The following CLEC3A variants were observed in gnomAD, a reference collection of about 807,000 sequenced individuals.
The protein encoded by CLEC3A is C-type (calcium dependent, carbohydrate-recognition domain) lectin, superfamily member 1 (cartilage-derived).
CLEC3A carries 28 observed loss-of-function variants against 20.4 expected under a neutral mutation model. The ratio of observed to expected loss-of-function variants is 1.37; its 90% confidence interval spans 1.02 to 1.88. CLEC3A has a LOEUF of 1.88. Ranked by LOEUF, CLEC3A falls within the 40% of genes most tolerant of loss-of-function variation. CLEC3A has a pLI of 0.00. For missense variants in CLEC3A, 357 were observed against 240.4 expected, an observed-to-expected ratio of 1.48 and a Z score of -3.21; for synonymous variants, 110 against 88.1, an observed-to-expected ratio of 1.25 and a Z score of -1.39.
Position 78,028,095 on chromosome 16 carries a change from A to C in CLEC3A, c.116-12A>C. On this transcript the variant is annotated splice_polypyrimidine_tract_variant and intron_variant, in intron 1 of 2. Transcript: ENST00000299642. ...ATCCACCTACCCCATCCCACCCTAAAATTTTCCCCAGACAAGGATGGAGAT... is the reference window on the plus strand; with the variant it reads ...ATCCACCTACCCCATCCCACCCTAACATTTTCCCCAGACAAGGATGGAGAT... 6.2e-7 allele frequency: 1 copy of C among 1,602,240 alleles called. No individual in the cohort carries two copies. Among genetic ancestry groups the C allele is most frequent in the South Asian group, 1.1e-5 (1 of 89,246 alleles).
chr16:78,024,388 C>G (rs560669298), intron 1 of CLEC3A, among the ~76,000 whole-genome samples: 40 of 152,040 alleles, frequency 2.6e-4, no homozygotes, highest in Admixed American at 1.8e-3. Flanking sequence ...TTCCAGGGGC[C>G]TCCCTCCCCT....
At chr16:78,025,628 G>C (rs2029892652) in intron 1 of CLEC3A, among the ~76,000 whole-genome samples, 2 of 152,154 alleles carry the variant, frequency 1.3e-5, no homozygotes, top group South Asian at 4.1e-4. Context: ...CCTTCTGGGG[G>C]ACTCAAAATA....
chr16:78,029,669 T>C (rs1371985359), intron 2 of CLEC3A, among the ~76,000 whole-genome samples: 1 of 150,798 alleles, frequency 6.6e-6, no homozygotes, highest in Admixed American at 6.6e-5. Flanking sequence ...CGCCAAGCAT[T>C]TTTTTTTTAA....
In CLEC3A at chr16:78,031,807, T is replaced by C. The variant is rs906194396; in HGVS notation, c.*966T>C. The C allele has an allele frequency of 3.3e-5, 5 of 152,146 alleles. No individual in the cohort carries two copies. Among genetic ancestry groups the C allele is most frequent in the South Asian group, 2.1e-4 (1 of 4,830 alleles). The allele number at this position is 152,146 out of a possible 1,614,324, so 9.4% of individuals were successfully genotyped here. Reference sequence around the variant, plus strand: ...ATTTAAAGAATGCTATCTTGGAAAATTGCATACGTCTGTGCAATTTTTTAT... The same window carrying C: ...ATTTAAAGAATGCTATCTTGGAAAACTGCATACGTCTGTGCAATTTTTTAT... On this transcript the variant is annotated 3_prime_UTR_variant, in exon 3 of 3. Coordinates refer to ENST00000299642, the MANE Select transcript of CLEC3A (RefSeq NM_005752.6).
intron 1 of CLEC3A, 104 bp from the exon 2 acceptor site, chr16:78,028,003 A>C (rs750233165): frequency 2.4e-6 from 2 of 823,052 alleles, no homozygotes; most frequent in Non-Finnish European, 4.0e-6. Flanking sequence ...GCTCAGGTTC[A>C]CCAAAACCAC....
At chr16:78,028,965 C>T (rs1361544479) in intron 2 of CLEC3A, 14 of 346,722 alleles carry the variant, frequency 4.0e-5, no homozygotes, top group Non-Finnish European at 3.9e-5. Flanking sequence ...ATCAGGCTTC[C>T]GGGGGAACAG....
intron 1 of CLEC3A, among the ~76,000 whole-genome samples, chr16:78,025,709 T>C (rs1326078143): frequency 6.6e-6 from 1 of 152,240 alleles, no homozygotes; most frequent in Non-Finnish European, 1.5e-5. Flanking sequence ...ATTTATGTGT[T>C]GCATTCATGA....
Position 78,030,502 on chromosome 16 carries a change from G to A in CLEC3A, c.255G>A (p.Leu85=), listed in dbSNP as rs756258088. 6.2e-7 allele frequency: 1 copy of A among 1,613,842 alleles called. No homozygotes were observed. The highest frequency in any genetic ancestry group is 1.1e-5 in the South Asian group (1 of 91,038). ...HKKCYLASEG[L]KHFHEANEDC... ...AATGCTACCTTGCTTCAGAAGGTTT[G>A]AAGCATTTCCATGAGGCCAATGAAG... is the stretch of plus-strand genomic sequence containing the variant. Residue 85 remains leucine (L), a synonymous_variant, in exon 3 of 3, where the codon TTG becomes TTA. Coordinates refer to ENST00000299642, the MANE Select transcript of CLEC3A (RefSeq NM_005752.6).
chr16:78,027,931 C>T (rs923637224), intron 1 of CLEC3A, among the ~76,000 whole-genome samples, 176 bp from the exon 2 acceptor site: 1 of 152,244 alleles, frequency 6.6e-6, no homozygotes, highest in Non-Finnish European at 1.5e-5. Flanking sequence ...GCTGGGATTA[C>T]AGGCGTGAGC....
rs200596444 is a variant in CLEC3A at position 78,022,944 on chromosome 16, T to TA, written c.115+212dup. Among the ~76,000 whole-genome samples the TA allele has an allele frequency of 7.0e-3, 1,058 of 151,228 alleles. 4 individuals are homozygous for TA. The highest frequency in any genetic ancestry group is 0.021 in the Middle Eastern group (6 of 290). ...TTAAAGAAACCAGGCTGCTGGGTTT[T>TA]AAAAAAAAACAACAGGGAAAAAATT... is the stretch of plus-strand genomic sequence containing the variant. On this transcript the variant is annotated intron_variant, in intron 1 of 2. Transcript: ENST00000299642.
chr16:78,024,687 A>G (rs1392890980), intron 1 of CLEC3A, among the ~76,000 whole-genome samples: 2 of 152,178 alleles, frequency 1.3e-5, no homozygotes, highest in African/African-American at 4.8e-5. Flanking sequence ...AAAATAGTTT[A>G]AGTACCTTGA....
chr16:78,024,831 G>C (rs1434562107), intron 1 of CLEC3A, among the ~76,000 whole-genome samples: 1 of 152,024 alleles, frequency 6.6e-6, no homozygotes, highest in African/African-American at 2.4e-5. Flanking sequence ...GTTTTTTGTA[G>C]GATTGTTTGT....
At chr16:78,029,315 C>G (rs940353941) in intron 2 of CLEC3A, among the ~76,000 whole-genome samples, 1 of 152,150 alleles carries the variant, frequency 6.6e-6, no homozygotes, top group South Asian at 2.1e-4. Flanking sequence ...GCTCAGTTAT[C>G]TGCTTAAGAA....
At chr16:78,029,438 G>A (rs1433494848) in intron 2 of CLEC3A, among the ~76,000 whole-genome samples, 2 of 152,052 alleles carry the variant, frequency 1.3e-5, no homozygotes, top group African/African-American at 4.8e-5. Context: ...GCGCAATCTC[G>A]GCTCACTGCA....
chr16:78,023,993 G>A (rs868208942), intron 1 of CLEC3A, among the ~76,000 whole-genome samples: 5 of 152,032 alleles, frequency 3.3e-5, no homozygotes, highest in Admixed American at 6.6e-5. Context: ...TCCTGACCTC[G>A]TGATTCGTCA....
At chr16:78,023,404 AT>A (rs2018774324) in intron 1 of CLEC3A, among the ~76,000 whole-genome samples, 1 of 152,122 alleles carries the variant, frequency 6.6e-6, no homozygotes, top group Admixed American at 6.5e-5. Flanking sequence ...GGAACCTCAA[AT>A]TTTGAGTGAC....
chr16:78,029,298 T>G (rs1195411487), intron 2 of CLEC3A, among the ~76,000 whole-genome samples: 1 of 152,166 alleles, frequency 6.6e-6, no homozygotes, highest in Non-Finnish European at 1.5e-5. Context: ...TAAACAATAT[T>G]ACCAAGGCTC....
intron 2 of CLEC3A, among the ~76,000 whole-genome samples, chr16:78,028,463 G>C (rs1237916201): frequency 6.6e-6 from 1 of 152,222 alleles, no homozygotes; most frequent in Non-Finnish European, 1.5e-5. Context: ...TAGTGAAACA[G>C]AATGAAGCCA....
intron 1 of CLEC3A, among the ~76,000 whole-genome samples, chr16:78,027,550 G>A (rs2029963134): frequency 6.6e-6 from 1 of 152,166 alleles, no homozygotes; most frequent in African/African-American, 2.4e-5. Context: ...CTCACAGAAG[G>A]ACCTTCTAGT....
Sources: allele counts gnomAD v4.1 joint callset (sites outside exome capture counted in the v4.1 genomes callset), GRCh38; gene constraint gnomAD v4.1.1; transcripts MANE v1.5; gene names NCBI Gene and HGNC (gene_info 2026-07-23, HGNC 2026-07-21).